Variants in TTN observed in about 807,000 individuals in gnomAD.
TTN encodes the protein connectin.
A neutral mutation model predicts 3,223.0 loss-of-function variants in TTN; 1,525 were observed. The ratio of observed to expected loss-of-function variants is 0.47; its 90% CI spans 0.45 to 0.49. The LOEUF (loss-of-function observed/expected upper bound fraction) is 0.49. TTN is among the 20% of genes least tolerant of loss of function. TTN has a pLI of 0.00. For missense variants in TTN, 40,786 were observed against 43,424.0 expected (o/e 0.94, Z 5.40); for synonymous variants, 14,094 against 15,161.0 (o/e 0.93, Z 5.17).
rs894477466 is a variant in TTN at position 178,685,466 on chromosome 2, A to G, written c.32392+52T>C. On this transcript the variant is annotated intron_variant, in intron 128 of 362. Coordinates refer to ENST00000589042, the MANE Select transcript of TTN (RefSeq NM_001267550.2). ...GACAAATTAGCTATAAGGAAACATA[A>G]AGAAGGAGACAAGCTAACATAGGGA... 5.2e-6 allele frequency: 8 copies of G among 1,551,766 alleles called. No homozygotes were observed. In the African/African-American group the frequency reaches 1.1e-4, roughly 21 times the overall value.
rs374893678 is a variant in TTN at position 178,741,929 on chromosome 2, G to A, written c.11312-8C>T. 3 of 1,449,974 alleles carry A rather than the reference G, an allele frequency of 2.1e-6. No individual in the cohort carries two copies. Among genetic ancestry groups the A allele is most frequent in the Non-Finnish European group, 2.7e-6 (3 of 1,102,202 alleles). The allele number at this position is 1,449,974 out of a possible 1,614,324, so 89.8% of individuals were successfully genotyped here. A position where few individuals can be genotyped will look rare whatever the true frequency, so the allele number is the denominator to read the frequency against. On this transcript the variant is annotated splice_polypyrimidine_tract_variant and splice_region_variant and intron_variant, in intron 47 of 362. Coordinates refer to ENST00000589042, the MANE Select transcript of TTN (RefSeq NM_001267550.2). Reference sequence around the variant, plus strand: ...GAAAAGAACTAGAAAACTCTGTATGGGGAAAAATGATTATTATTTTACTAT... The same window carrying A: ...GAAAAGAACTAGAAAACTCTGTATGAGGAAAAATGATTATTATTTTACTAT...
At position 178,530,551 on chromosome 2, in the gene TTN, C is replaced by T. The variant is rs976373370; in HGVS notation, c.106064G>A (p.Gly35355Glu). The T allele has an allele frequency of 2.5e-6, 4 of 1,613,836 alleles. No homozygotes were observed. The highest frequency in any genetic ancestry group is 3.4e-6 in the Non-Finnish European group (4 of 1,179,892). ...ACCAGAAATCTCACAAACATATTCT[C>T]CTTGATCAGATTCAGTGAGGTTATT... ...KINNLTESDQ[G>E]EYVCEISGEG... Residue 35355 changes from glycine to glutamate, a missense_variant, in exon 358 of 363, where the codon GGA (glycine) becomes GAA (glutamate). Gly to Glu is a moderately conservative substitution (Grantham distance 98). Transcript: ENST00000589042.
chr2:178,639,883 AT>A, intron 222 of TTN, 95 bp from the exon 223 acceptor site: 2 of 1,444,638 alleles, frequency 1.4e-6, no homozygotes, highest in African/African-American at 1.4e-5. Context: ...TAATTTTGAA[AT>A]CTTCAAATAA....
At position 178,542,869 on chromosome 2, in the gene TTN, G is replaced by T; in HGVS notation, c.96985C>A (p.Pro32329Thr). 6.2e-7 allele frequency: 1 copy of T among 1,613,744 alleles called. No homozygotes were observed. ...PAGRPVELVI[P>T]IAGRPPPAAS... is the part of the protein sequence containing the mutation. ...GCAGGAGGTGGACGGCCAGCAATAG[G>T]TATCACCAGCTCTACTGGTCTGCCA... is the stretch of plus-strand genomic sequence containing the variant. Residue 32329 changes from proline (P) to threonine (T), a missense_variant, in exon 348 of 363, where the codon CCT becomes ACT. Transcript: ENST00000589042.
Position 178,530,133 on chromosome 2 carries a change from A to C in TTN, c.106375-17T>G, listed in dbSNP as rs1194748787. 2 of 1,572,606 alleles carry C rather than the reference A, an allele frequency of 1.3e-6. No homozygotes were observed. Among genetic ancestry groups the C allele is most frequent in the Non-Finnish European group, 1.7e-6 (2 of 1,166,406 alleles). On this transcript the variant is annotated splice_polypyrimidine_tract_variant and intron_variant, in intron 358 of 362. Coordinates refer to ENST00000589042, the MANE Select transcript of TTN (RefSeq NM_001267550.2). ...TGTAATGGCCTGTAGAATGCAAATG[A>C]TTTGTGTTTTAAAAAGTGATTTCAT...
Position 178,533,776 on chromosome 2 carries a change from G to A in TTN, c.102839C>T (p.Thr34280Ile), listed in dbSNP as rs886042505. 1.9e-6 allele frequency: 3 copies of A among 1,613,848 alleles called. No individual in the cohort carries two copies. The Admixed American group carries it at 5.0e-5, about 27-fold the overall frequency. Residue 34280 changes from threonine (T) to isoleucine (I), a missense_variant, in exon 358 of 363, where the codon ACT becomes ATT. Coordinates refer to ENST00000589042, the MANE Select transcript of TTN (RefSeq NM_001267550.2). ...YVGENVRFGVTITVHPEPHVT... is the reference protein window; with the variant it reads ...YVGENVRFGVIITVHPEPHVT... ...ATGAGGCTCTGGGTGGACAGTTATA[G>A]TTACTCCAAACCGGACATTTTCACC...
In TTN at chr2:178,696,054, C is replaced by T; in HGVS notation, c.31018G>A (p.Glu10340Lys). ...ATCTCTTCATAGTCTTCATCTGGTT[C>T]TTCATAATAAGGTTGTTCAAATGGC... ...TEPFEQPYYE[E>K]PDEDYEEIKV... is the part of the protein sequence containing the mutation. The change falls in exon 114 of 363, where the codon GAA (glutamate) becomes AAA (lysine). Residue 10340 changes from glutamate (E) to lysine (K), a missense_variant. By Grantham distance (56) the Glu-to-Lys change is moderately conservative. Coordinates refer to ENST00000589042, the MANE Select transcript of TTN (RefSeq NM_001267550.2). 1 of 1,551,040 alleles carries T rather than the reference C, an allele frequency of 6.4e-7. No homozygotes were observed. The highest frequency in any genetic ancestry group is 8.7e-7 in the Non-Finnish European group (1 of 1,146,652).
Position 178,548,675 on chromosome 2 carries a change from T to C in TTN, c.92951A>G (p.Glu30984Gly), listed in dbSNP as rs770525487. The C allele has an allele frequency of 3.7e-6, 6 of 1,613,766 alleles. No individual in the cohort carries two copies. In the Admixed American group the frequency reaches 1.0e-4, roughly 27 times the overall value. ...CCCTGCATCATTTCTGTTGCAGTTTTCCACAGTGAGGGTGCTGAAGGAATC... is the reference window on the plus strand; with the variant it reads ...CCCTGCATCATTTCTGTTGCAGTTTCCCACAGTGAGGGTGCTGAAGGAATC... ...TTDSFSTLTV[E>G]NCNRNDAGKY... Residue 30984 changes from glutamate (E) to glycine (G), a missense_variant, in exon 339 of 363, where the codon GAA (glutamate) becomes GGA (glycine). Transcript: ENST00000589042. This position sits in a 1 kb window ranked among gnomAD's most constrained non-coding sequence, Gnocchi z 4.3.
intron 165 of TTN, 68 bp downstream of exon 165, chr2:178,665,309 A>C: frequency 2.1e-6 from 3 of 1,405,444 alleles, no homozygotes; most frequent in Non-Finnish European, 3.0e-6. Flanking sequence ...AGTATTAGGA[A>C]GAAACCATAG....
In TTN at chr2:178,527,639, C is replaced by G. The variant is rs2154130286; in HGVS notation, c.107487G>C (p.Glu35829Asp). The G allele has an allele frequency of 6.2e-7, 1 of 1,613,938 alleles. No homozygotes were observed. The highest frequency in any genetic ancestry group is 8.5e-7 in the Non-Finnish European group (1 of 1,179,844). The part of the protein sequence containing the change: ...QSVQMSASKQ[E>D]ASFSSFSSSS... ...TGCTGCTGAAACTGCTGAAGGAGGCCTCCTGCTTGGAGGCAGACATTTGGA... is the reference window on the plus strand; with the variant it reads ...TGCTGCTGAAACTGCTGAAGGAGGCGTCCTGCTTGGAGGCAGACATTTGGA... Residue 35829 changes from glutamate (E) to aspartate (D), a missense_variant, in exon 362 of 363, where the codon GAG becomes GAC. By Grantham distance (45) the Glu-to-Asp change is conservative. Transcript: ENST00000589042.
chr2:178,777,746 C>G lies in TTN; in HGVS notation c.4438G>C (p.Val1480Leu). The G allele has an allele frequency of 6.2e-7, 1 of 1,614,060 alleles. No homozygotes were observed. Among genetic ancestry groups the G allele is most frequent in the Non-Finnish European group, 8.5e-7 (1 of 1,179,966 alleles). The change falls in exon 25 of 363, where the codon GTT becomes CTT. Residue 1480 changes from valine (V) to leucine (L), a missense_variant. Physicochemically the swap from Val to Leu is conservative, Grantham distance 32. Coordinates refer to ENST00000589042, the MANE Select transcript of TTN (RefSeq NM_001267550.2). ...EGQTARFDLKVVGRPMPETFW... is the reference protein window; with the variant it reads ...EGQTARFDLKLVGRPMPETFW... Reference sequence around the variant, plus strand: ...GTCTCTGGCATAGGTCTACCAACAACCTTTAAGTCAAATCTGGCAGTTTGC... The same window carrying G: ...GTCTCTGGCATAGGTCTACCAACAAGCTTTAAGTCAAATCTGGCAGTTTGC...
chr2:178,551,681 G>A lies in TTN; in HGVS notation c.91219C>T (p.Leu30407=). 1 of 1,611,564 alleles carries A rather than the reference G, an allele frequency of 6.2e-7. No individual in the cohort carries two copies. The highest frequency in any genetic ancestry group is 8.5e-7 in the Non-Finnish European group (1 of 1,178,286). Residue 30407 remains leucine (L), a synonymous_variant, in exon 335 of 363, where the codon CTA becomes TTA. Coordinates refer to ENST00000589042, the MANE Select transcript of TTN (RefSeq NM_001267550.2). Reference sequence around the variant, plus strand: ...TTGCTTGGGTCACTAGGTGAGCTTAGGCCAGCAGAATTTTCAGCATATACA... The same window carrying A: ...TTGCTTGGGTCACTAGGTGAGCTTAAGCCAGCAGAATTTTCAGCATATACA... ...FRVYAENSAG[L]SSPSDPSKFT...
rs2154182730 is a variant in TTN at position 178,588,107 on chromosome 2, A to C, written c.63300T>G (p.Val21100=). Residue 21100 remains valine, a synonymous_variant, in exon 305 of 363, where the codon GTT becomes GTG. Transcript: ENST00000589042. The part of the protein sequence containing the change: ...YDGGAPIIGY[V]VEMRPKIADA... ...CTGCTATTTTTGGTCTCATTTCCACAACATATCCAATGATCGGTGCACCAC... is the reference window on the plus strand; with the variant it reads ...CTGCTATTTTTGGTCTCATTTCCACCACATATCCAATGATCGGTGCACCAC... The C allele has an allele frequency of 6.2e-7, 1 of 1,612,946 alleles. No individual in the cohort carries two copies. The highest frequency in any genetic ancestry group is 1.1e-5 in the South Asian group (1 of 91,030).
rs1225812878 is a variant in TTN, at chr2:178,698,799, C to T, written c.30754+44G>A. ...ACTGTTTAGAATTTAAAAGTTTTGG[C>T]CAAGAAAAAAGTGTTAAGACTGCTT... On this transcript the variant is annotated intron_variant, in intron 112 of 362. Coordinates refer to ENST00000589042, the MANE Select transcript of TTN (RefSeq NM_001267550.2). The T allele has an allele frequency of 4.6e-6, 7 of 1,517,264 alleles. No individual in the cohort carries two copies. The East Asian group carries it at 1.5e-4, about 32-fold the overall frequency. 94.0% of individuals were successfully genotyped at this position (1,517,264 alleles called of 1,614,324 possible).
chr2:178,604,811 C>A lies in TTN; in HGVS notation c.54278G>T (p.Gly18093Val), dbSNP rs766855804. 3.1e-6 allele frequency: 5 copies of A among 1,612,382 alleles called. No individual in the cohort carries two copies. Among genetic ancestry groups the A allele is most frequent in the Non-Finnish European group, 4.2e-6 (5 of 1,179,058 alleles). Residue 18093 changes from glycine to valine, a missense_variant, in exon 281 of 363, where the codon GGT becomes GTT. By Grantham distance (109) the Gly-to-Val change is moderately radical (BLOSUM62 -3). Coordinates refer to ENST00000589042, the MANE Select transcript of TTN (RefSeq NM_001267550.2). ...YLTWDAPLDN[G>V]GSEITHYVID... is the part of the protein sequence containing the mutation. Reference sequence around the variant, plus strand: ...AACATAATGGGTGATTTCACTGCCACCATTATCAAGAGGGGCATCCCATGT... The same window carrying A: ...AACATAATGGGTGATTTCACTGCCAACATTATCAAGAGGGGCATCCCATGT...
At chr2:178,642,586 T>C (rs2061385655) in intron 218 of TTN, among the ~76,000 whole-genome samples, 2 of 152,006 alleles carry the variant, frequency 1.3e-5, no homozygotes, top group Non-Finnish European at 2.9e-5. Flanking sequence ...TGCTCCATAC[T>C]GACTTTATGA....
rs1256128085 is a variant in TTN at position 178,611,555 on chromosome 2, A to G, written c.50674T>C (p.Cys16892Arg). ...SPIIGYHVEM[C>R]PVGTEKWMRV... is the part of the protein sequence containing the mutation. ...ATCCATTTCTCAGTGCCTACTGGAC[A>G]CATTTCAACATGGTATCCTATGATA... The change falls in exon 269 of 363, where the codon TGT becomes CGT. Residue 16892 changes from cysteine (C) to arginine (R), a missense_variant. Coordinates refer to ENST00000589042, the MANE Select transcript of TTN (RefSeq NM_001267550.2). 2.2e-5 allele frequency: 35 copies of G among 1,612,930 alleles called. No individual in the cohort carries two copies. Among genetic ancestry groups the G allele is most frequent in the Non-Finnish European group, 3.0e-5 (35 of 1,179,326 alleles).
intron 113 of TTN, 113 bp downstream of exon 113, chr2:178,697,008 A>G: frequency 1.1e-6 from 1 of 922,822 alleles, no homozygotes; most frequent in East Asian, 2.8e-5. Flanking sequence ...AACACAGCAG[A>G]GGAGACTCCA....
Position 178,609,276 on chromosome 2 carries a change from C to A in TTN, c.52034G>T (p.Gly17345Val). ...ATTTTCAACTTTGATCATATACAGA[C>A]CATGGTCAGGTCGGAGAGAATCTCG... Reference protein sequence around the residue: ...RVRDSLRPDHGLYMIKVENDH... With the variant: ...RVRDSLRPDHVLYMIKVENDH... The change falls in exon 273 of 363, where the codon GGT becomes GTT. Residue 17345 changes from glycine (G) to valine (V), a missense_variant. Gly to Val is a moderately radical substitution (Grantham distance 109). Coordinates refer to ENST00000589042, the MANE Select transcript of TTN (RefSeq NM_001267550.2). The A allele has an allele frequency of 6.3e-7, 1 of 1,581,696 alleles. No homozygotes were observed. Among genetic ancestry groups the A allele is most frequent in the Non-Finnish European group, 8.6e-7 (1 of 1,165,186 alleles).
Sources: allele counts gnomAD v4.1 joint callset (sites outside exome capture counted in the v4.1 genomes callset), GRCh38; gene constraint gnomAD v4.1.1; non-coding constraint Gnocchi (gnomAD v3.1); transcripts MANE v1.5; gene names NCBI Gene and HGNC (gene_info 2026-07-23, HGNC 2026-07-21).